Variants in ZC3H14 observed in about 807,000 individuals in gnomAD.
ZC3H14 encodes the protein zinc finger CCCH domain-containing protein 14.
A neutral mutation model predicts 92.4 loss-of-function variants in ZC3H14; 31 were observed. The ratio of observed to expected loss-of-function variants is 0.34; its 90% CI spans 0.25 to 0.45. The LOEUF is 0.45. Ranked by LOEUF, ZC3H14 falls within the 20% of genes least tolerant of loss-of-function variation. The pLI is 1.00. For missense variants in ZC3H14, 781 were observed against 897.3 expected, an observed-to-expected ratio of 0.87 and a Z score of 1.66; for synonymous variants, 321 against 300.9, an observed-to-expected ratio of 1.07 and a Z score of -0.69.
At position 88,614,094 on chromosome 14, in the gene ZC3H14, T is replaced by C. The variant is rs1436670963; in HGVS notation, c.*2343T>C. 6.6e-6 allele frequency: 1 copy of C among 152,250 alleles called. No homozygotes were observed. Among genetic ancestry groups the C allele is most frequent in the African/African-American group, 2.4e-5 (1 of 41,472 alleles). The allele number at this position is 152,250 out of a possible 1,614,324, so 9.4% of individuals were successfully genotyped here. A position where few individuals can be genotyped will look rare whatever the true frequency, so the allele number is the denominator to read the frequency against. ...TTCTACCTGCACTGTAATGGAAATA[T>C]AATTTCTCTGTAGCCAAAAGCTGGC... On this transcript the variant is annotated 3_prime_UTR_variant, in exon 17 of 17. Transcript: ENST00000251038.
Position 88,625,293 on chromosome 14 carries a change from A to AAAG in ZC3H14, c.*13542_*13543insAAG. The AAAG allele has an allele frequency of 4.2e-6, 3 of 706,386 alleles. No homozygotes were observed. Among genetic ancestry groups the AAAG allele is most frequent in the Non-Finnish European group, 6.7e-6 (3 of 450,132 alleles). The allele number at this position is 706,386 out of a possible 1,614,324, so 43.8% of individuals were successfully genotyped here. A position where few individuals can be genotyped will look rare whatever the true frequency, so the allele number is the denominator to read the frequency against. On this transcript the variant is annotated 3_prime_UTR_variant, in exon 17 of 17. Transcript: ENST00000251038. Reference sequence around the variant, plus strand: ...TCACGAGTCAGGAAACCTGAACGGGAGGCTTAGCTTTGTCAGGACCTTTTC... The same window carrying AAAG: ...TCACGAGTCAGGAAACCTGAACGGGAAAGGGCTTAGCTTTGTCAGGACCTTTTC...
chr14:88,612,072 C>T lies in ZC3H14; in HGVS notation c.*321C>T. 3 of 373,514 alleles carry T rather than the reference C, an allele frequency of 8.0e-6. No homozygotes were observed. Among genetic ancestry groups the T allele is most frequent in the Non-Finnish European group, 9.8e-6 (2 of 203,142 alleles). The allele number at this position is 373,514 out of a possible 1,614,324, so 23.1% of individuals were successfully genotyped here. On this transcript the variant is annotated 3_prime_UTR_variant, in exon 17 of 17. Coordinates refer to ENST00000251038, the MANE Select transcript of ZC3H14 (RefSeq NM_024824.5). ...ATATGAAATTGACATCATGGTTAGT[C>T]ATGGTACTGCAGCTTAGGGGGCTAC...
At chr14:88,579,103 A>G (rs1439641747) in intron 9 of ZC3H14, among the ~76,000 whole-genome samples, 1 of 152,164 alleles carries the variant, frequency 6.6e-6, no homozygotes, top group Non-Finnish European at 1.5e-5. Context: ...CTATATGCTT[A>G]TTATGTTATT....
chr14:88,616,285 C>G lies in ZC3H14; in HGVS notation c.*4534C>G. On this transcript the variant is annotated 3_prime_UTR_variant, in exon 17 of 17. Coordinates refer to ENST00000251038, the MANE Select transcript of ZC3H14 (RefSeq NM_024824.5). ...ACAAGCTCAGGGCATTTGGTGCACA[C>G]AGAAGTCAAAGGCTCTTATTAGGAA... 6.3e-7 allele frequency: 1 copy of G among 1,583,302 alleles called. No individual in the cohort carries two copies. Among genetic ancestry groups the G allele is most frequent in the South Asian group, 1.1e-5 (1 of 90,258 alleles).
chr14:88,613,850 G>C lies in ZC3H14; in HGVS notation c.*2099G>C, dbSNP rs1187105311. The C allele has an allele frequency of 1.3e-5, 2 of 152,194 alleles. No individual in the cohort carries two copies. The highest frequency in any genetic ancestry group is 3.8e-4 in the East Asian group (2 of 5,206). The allele number at this position is 152,194 out of a possible 1,614,324, so 9.4% of individuals were successfully genotyped here. ...GGGTTAAAAAAGTAAACATAGGGCAGATTCTATATGGCCTATCATGTTTCT... is the reference window on the plus strand; with the variant it reads ...GGGTTAAAAAAGTAAACATAGGGCACATTCTATATGGCCTATCATGTTTCT... On this transcript the variant is annotated 3_prime_UTR_variant, in exon 17 of 17. Transcript: ENST00000251038.
chr14:88,602,208 A>T (rs1311099012), intron 11 of ZC3H14, 125 bp downstream of exon 11: 2 of 1,311,112 alleles, frequency 1.5e-6, no homozygotes, highest in African/African-American at 1.5e-5. Context: ...TTGATTCAGT[A>T]GCTAGCCCAT....
At chr14:88,611,718 A>C in intron 16 of ZC3H14, 27 bp from the exon 17 acceptor site, 1 of 1,613,942 alleles carries the variant, frequency 6.2e-7, no homozygotes, top group Non-Finnish European at 8.5e-7. Flanking sequence ...CAGATAATTA[A>C]AACAATTTTT....
At position 88,612,875 on chromosome 14, in the gene ZC3H14, G is replaced by C. The variant is rs1233106707; in HGVS notation, c.*1124G>C. The C allele has an allele frequency of 6.6e-6, 1 of 152,170 alleles. No homozygotes were observed. The allele number at this position is 152,170 out of a possible 1,614,324, so 9.4% of individuals were successfully genotyped here. The stretch of plus-strand genomic sequence containing the variant: ...AACAGATCACTGATTTCAAAGACTT[G>C]GTGTATAGTGTTAAAAATTAAAGCT... On this transcript the variant is annotated 3_prime_UTR_variant, in exon 17 of 17. Coordinates refer to ENST00000251038, the MANE Select transcript of ZC3H14 (RefSeq NM_024824.5).
In ZC3H14 at chr14:88,571,956, C is replaced by T. The variant is rs1045711935; in HGVS notation, c.236-74C>T. On this transcript the variant is annotated intron_variant, in intron 4 of 16. Coordinates refer to ENST00000251038, the MANE Select transcript of ZC3H14 (RefSeq NM_024824.5). ...TCCAGCCTGGCGACAGAGCGAGACT[C>T]CATCTCAAAAATAAATAAATAAATA... 2.4e-5 allele frequency: 30 copies of T among 1,229,756 alleles called. No individual in the cohort carries two copies. The South Asian group carries it at 5.1e-4, about 21-fold the overall frequency. 76.2% of individuals were successfully genotyped at this position (1,229,756 alleles called of 1,614,324 possible). A position where few individuals can be genotyped will look rare whatever the true frequency, so the allele number is the denominator to read the frequency against.
rs779193637 is a variant in ZC3H14, at chr14:88,616,928, T to G, written c.*5177T>G. 6.4e-7 allele frequency: 1 copy of G among 1,572,128 alleles called. No homozygotes were observed. Among genetic ancestry groups the G allele is most frequent in the African/African-American group, 1.4e-5 (1 of 73,628 alleles). Reference sequence around the variant, plus strand: ...ACTCATCATGGCAAGTGCGGGCAGGTTGACTATATTCAAAAAGTTTCTTGG... The same window carrying G: ...ACTCATCATGGCAAGTGCGGGCAGGGTGACTATATTCAAAAAGTTTCTTGG... On this transcript the variant is annotated 3_prime_UTR_variant, in exon 17 of 17. Coordinates refer to ENST00000251038, the MANE Select transcript of ZC3H14 (RefSeq NM_024824.5).
intron 4 of ZC3H14, 93 bp from the exon 5 acceptor site, chr14:88,571,937 C>T: frequency 9.3e-7 from 1 of 1,073,718 alleles, no homozygotes; most frequent in South Asian, 2.0e-5. Context: ...GCCCTCCAGC[C>T]TGGCGACAGA....
chr14:88,620,935 A>T lies in ZC3H14; in HGVS notation c.*9184A>T, dbSNP rs747211395. 3.1e-4 allele frequency: 30 copies of T among 98,060 alleles called. No individual in the cohort carries two copies. Among genetic ancestry groups the T allele is most frequent in the South Asian group, 7.1e-4 (2 of 2,800 alleles). 6.1% of individuals were successfully genotyped at this position (98,060 alleles called of 1,614,324 possible). A position where few individuals can be genotyped will look rare whatever the true frequency, so the allele number is the denominator to read the frequency against. On this transcript the variant is annotated 3_prime_UTR_variant, in exon 17 of 17. Transcript: ENST00000251038. This position sits in a 1 kb window ranked among gnomAD's most constrained non-coding sequence, Gnocchi z 4.3. Reference sequence around the variant, plus strand: ...ACTTTGTTTAACATCTTCTGCATTTAAAAAAAAAAAAAAAAAGAGTCATAG... The same window carrying T: ...ACTTTGTTTAACATCTTCTGCATTTTAAAAAAAAAAAAAAAAGAGTCATAG...
chr14:88,607,219 C>G, intron 12 of ZC3H14, 24 bp from the exon 13 acceptor site: 1 of 1,613,908 alleles, frequency 6.2e-7, no homozygotes, highest in Non-Finnish European at 8.5e-7. Context: ...GAATGAAATA[C>G]TTTTATTTCC....
chr14:88,624,767 C>A lies in ZC3H14; in HGVS notation c.*13016C>A. ...CCACACCTCAGAAAAAGTATCACCCCAACATGAAAAAAATTGGAAGTGAAT... is the reference window on the plus strand; with the variant it reads ...CCACACCTCAGAAAAAGTATCACCCAAACATGAAAAAAATTGGAAGTGAAT... On this transcript the variant is annotated 3_prime_UTR_variant, in exon 17 of 17. Transcript: ENST00000251038. 1 of 587,910 alleles carries A rather than the reference C, an allele frequency of 1.7e-6. No homozygotes were observed. The allele number at this position is 587,910 out of a possible 1,614,324, so 36.4% of individuals were successfully genotyped here.
In ZC3H14 at chr14:88,617,118, G is replaced by T; in HGVS notation, c.*5367G>T. 6.0e-6 allele frequency: 2 copies of T among 332,514 alleles called. No individual in the cohort carries two copies. The highest frequency in any genetic ancestry group is 4.7e-5 in the East Asian group (1 of 21,136). 20.6% of individuals were successfully genotyped at this position (332,514 alleles called of 1,614,324 possible). A position where few individuals can be genotyped will look rare whatever the true frequency, so the allele number is the denominator to read the frequency against. Reference sequence around the variant, plus strand: ...GATTAATCTTTTTAAGATTAAAGTAGTACTTTATGAAAACTGATAGAACTA... The same window carrying T: ...GATTAATCTTTTTAAGATTAAAGTATTACTTTATGAAAACTGATAGAACTA... On this transcript the variant is annotated 3_prime_UTR_variant, in exon 17 of 17. Coordinates refer to ENST00000251038, the MANE Select transcript of ZC3H14 (RefSeq NM_024824.5).
intron 2 of ZC3H14, among the ~76,000 whole-genome samples, chr14:88,565,140 GTTA>G (rs559549991): frequency 3.7e-4 from 56 of 152,200 alleles, no homozygotes; most frequent in African/African-American, 1.3e-3. Flanking sequence ...AAAAAAATTT[GTTA>G]TTATTATTAT....
At position 88,621,833 on chromosome 14, in the gene ZC3H14, C is replaced by A. The variant is rs116289454; in HGVS notation, c.*10082C>A. ...CATATCTATAGGGCATAGGGTAATA[C>A]GCATAACCATCACCTCAGACATTTA... On this transcript the variant is annotated 3_prime_UTR_variant, in exon 17 of 17. Transcript: ENST00000251038. The A allele has an allele frequency of 2.2e-6, 1 of 455,492 alleles. No homozygotes were observed. The highest frequency in any genetic ancestry group is 4.4e-6 in the Non-Finnish European group (1 of 226,550). 28.2% of individuals were successfully genotyped at this position (455,492 alleles called of 1,614,324 possible). A position where few individuals can be genotyped will look rare whatever the true frequency, so the allele number is the denominator to read the frequency against.
At position 88,596,807 on chromosome 14, in the gene ZC3H14, A is replaced by T; in HGVS notation, c.1353A>T (p.Gln451His). 1 of 1,613,930 alleles carries T rather than the reference A, an allele frequency of 6.2e-7. No homozygotes were observed. The highest frequency in any genetic ancestry group is 8.5e-7 in the Non-Finnish European group (1 of 1,179,864). Residue 451 changes from glutamine to histidine, a missense_variant and splice_region_variant, in exon 10 of 17, where the codon CAA (glutamine) becomes CAT (histidine). By Grantham distance (24) the Gln-to-His change is conservative. This residue lies in a region of ZC3H14 where 454 missense variants were observed against 438.5 expected (regional missense o/e 1.04). Coordinates refer to ENST00000251038, the MANE Select transcript of ZC3H14 (RefSeq NM_024824.5). ...TGGCAGAAACTCTGCAGATGAGTCA[A>T]GGTTGGTAATGTTTCAAGTTGTACT... Reference protein sequence around the residue: ...PVMAETLQMSQDYYDMESMVH... With the variant: ...PVMAETLQMSHDYYDMESMVH...
chr14:88,573,966 G>C (rs532955985), intron 6 of ZC3H14, among the ~76,000 whole-genome samples: 1 of 152,236 alleles, frequency 6.6e-6, no homozygotes, highest in Non-Finnish European at 1.5e-5. Flanking sequence ...TGCTATACCA[G>C]ATTTTCTTCC....
Sources: gnomAD v4.1 joint callset for allele counts (sites outside exome capture counted in the v4.1 genomes callset) on GRCh38, gnomAD v4.1.1 for gene constraint, gnomAD v4.1.1 regional missense constraint, Gnocchi (gnomAD v3.1) non-coding constraint, MANE v1.5 for transcripts, NCBI Gene and HGNC (gene_info 2026-07-23, HGNC 2026-07-21) for gene names.